CAMK4: variants seen among roughly 807,000 people sequenced by gnomAD.
The protein encoded by CAMK4 is calcium/calmodulin dependent protein kinase IV, also known as calcium/calmodulin-dependent protein kinase type IV.
A neutral mutation model predicts 44.9 loss-of-function variants in CAMK4; 22 were observed. The observed-to-expected ratio is 0.49, with a 90% CI of 0.35 to 0.70. The LOEUF is 0.70. Among genes scored for constraint, CAMK4 ranks in the 30% least tolerant of loss-of-function variants. The probability of loss-of-function intolerance (pLI) is 0.01; values close to 1 mark genes in which losing one functional copy is unlikely to be tolerated. For missense variants in CAMK4, 498 were observed against 586.8 expected (o/e 0.85, Z 1.56); for synonymous variants, 218 against 215.4 (o/e 1.01, Z -0.11).
At chr5:111,252,477 AAC>A (rs1253851118) in intron 1 of CAMK4, among the ~76,000 whole-genome samples, 4 of 152,152 alleles carry the variant, frequency 2.6e-5, no homozygotes, top group African/African-American at 7.2e-5. Context: ...CCTTTCTCCT[AAC>A]CACCTTTAAA....
chr5:111,407,286 G>A (rs1387800130), intron 5 of CAMK4, among the ~76,000 whole-genome samples: 1 of 151,704 alleles, frequency 6.6e-6, no homozygotes, highest in Non-Finnish European at 1.5e-5. Flanking sequence ...GGGAGGCGGA[G>A]GTTGCAGTAA....
chr5:111,226,123 T>A (rs907424858), intron 1 of CAMK4, among the ~76,000 whole-genome samples: 4 of 152,210 alleles, frequency 2.6e-5, no homozygotes, highest in Non-Finnish European at 5.9e-5. Flanking sequence ...CTGATGCTGC[T>A]GCAGGGACTG....
chr5:111,416,086 G>T (rs1016982396), intron 5 of CAMK4, among the ~76,000 whole-genome samples: 2 of 152,118 alleles, frequency 1.3e-5, no homozygotes, highest in East Asian at 3.9e-4. Flanking sequence ...TGAATAGAGA[G>T]AAAAGGATAT....
chr5:111,292,384 T>C (rs1451695247), intron 1 of CAMK4, among the ~76,000 whole-genome samples: 1 of 152,144 alleles, frequency 6.6e-6, no homozygotes, highest in Non-Finnish European at 1.5e-5. Context: ...TGTGTACATA[T>C]GTGTTTGTGT....
At position 111,492,169 on chromosome 5, in the gene CAMK4, A is replaced by C. The variant is rs1287072578; in HGVS notation, c.*7703A>C. On this transcript the variant is annotated 3_prime_UTR_variant, in exon 11 of 11. Coordinates refer to ENST00000282356, the MANE Select transcript of CAMK4 (RefSeq NM_001744.6). Reference sequence around the variant, plus strand: ...AGCTAGTGACCGAGATATGGAGAAAAACATAGGCATTCATGACCTTTGTGT... The same window carrying C: ...AGCTAGTGACCGAGATATGGAGAAACACATAGGCATTCATGACCTTTGTGT... 3 of 152,186 alleles carry C rather than the reference A, an allele frequency of 2.0e-5. No individual in the cohort carries two copies. Among genetic ancestry groups the C allele is most frequent in the Non-Finnish European group, 4.4e-5 (3 of 68,028 alleles). The allele number at this position is 152,186 out of a possible 1,614,324, so 9.4% of individuals were successfully genotyped here.
At chr5:111,331,210 A>C (rs1379351699) in intron 1 of CAMK4, among the ~76,000 whole-genome samples, 2 of 151,618 alleles carry the variant, frequency 1.3e-5, no homozygotes, top group Admixed American at 1.3e-4. Context: ...TATAACAAAT[A>C]ATCTTGTGTC....
In CAMK4 at chr5:111,317,884, G is replaced by A. The variant is rs375620872; in HGVS notation, c.162-26140G>A. ...CAAATAAATTCAGAATCCTAAAGCC[G>A]GTGGAGTAATATGTAAAAAAAAAAA... On this transcript the variant is annotated intron_variant, in intron 1 of 10. Transcript: ENST00000282356. Among the ~76,000 whole-genome samples the A allele has an allele frequency of 1.0e-4, 11 of 106,842 alleles. No individual in the cohort carries two copies. In the South Asian group the frequency reaches 1.4e-3, roughly 13 times the overall value. The allele number at this position is 106,842 out of a possible 152,430, so 70.1% of individuals were successfully genotyped here.
intron 1 of CAMK4, among the ~76,000 whole-genome samples, chr5:111,268,405 G>C (rs1005744394): frequency 6.6e-6 from 1 of 152,206 alleles, no homozygotes; most frequent in African/African-American, 2.4e-5. Flanking sequence ...GAAAAGTGAA[G>C]CTGAAACAAA....
At chr5:111,352,293 G>A (rs554019649) in intron 2 of CAMK4, among the ~76,000 whole-genome samples, 1 of 152,048 alleles carries the variant, frequency 6.6e-6, no homozygotes, top group Non-Finnish European at 1.5e-5. Context: ...ATGTGTCAGA[G>A]ACTGGTGGAT....
At chr5:111,373,019 A>T (rs987805717) in intron 2 of CAMK4, among the ~76,000 whole-genome samples, 1 of 152,132 alleles carries the variant, frequency 6.6e-6, no homozygotes, top group Non-Finnish European at 1.5e-5. Context: ...TTTATGTGGG[A>T]TGTTTGTAAA....
At chr5:111,325,808 T>C (rs1276320130) in intron 1 of CAMK4, among the ~76,000 whole-genome samples, 1 of 152,100 alleles carries the variant, frequency 6.6e-6, no homozygotes, top group Non-Finnish European at 1.5e-5. Flanking sequence ...TGCAAAACTT[T>C]TCTACCATTC....
At chr5:111,331,339 C>G (rs1013797041) in intron 1 of CAMK4, among the ~76,000 whole-genome samples, 4 of 151,682 alleles carry the variant, frequency 2.6e-5, no homozygotes, top group African/African-American at 9.7e-5. Context: ...CAAAAGTACT[C>G]AACATCATTA....
chr5:111,323,665 T>A (rs929052895), intron 1 of CAMK4, among the ~76,000 whole-genome samples: 1 of 152,052 alleles, frequency 6.6e-6, no homozygotes, highest in Non-Finnish European at 1.5e-5. Context: ...CTTGTTAAAA[T>A]ATGTCTCAAA....
At chr5:111,333,693 A>G (rs1202236562) in intron 1 of CAMK4, among the ~76,000 whole-genome samples, 1 of 151,678 alleles carries the variant, frequency 6.6e-6, no homozygotes, top group Non-Finnish European at 1.5e-5. Flanking sequence ...TCACAACTGG[A>G]TGCTGTTAGG....
At position 111,333,480 on chromosome 5, in the gene CAMK4, T is replaced by C. The variant is rs1303344483; in HGVS notation, c.162-10544T>C. 2.0e-5 allele frequency among the ~76,000 whole-genome samples: 3 copies of C among 151,732 alleles called. No homozygotes were observed. In the East Asian group the frequency reaches 5.8e-4, roughly 30 times the overall value. ...TAGTTTTATTGTTATTAATGTATTT[T>C]GTGATTGAGAACCAATACTCAAGCT... On this transcript the variant is annotated intron_variant, in intron 1 of 10. Coordinates refer to ENST00000282356, the MANE Select transcript of CAMK4 (RefSeq NM_001744.6).
chr5:111,395,794 C>A (rs1279322246), intron 5 of CAMK4, among the ~76,000 whole-genome samples: 2 of 152,066 alleles, frequency 1.3e-5, no homozygotes, highest in Non-Finnish European at 2.9e-5. Flanking sequence ...TGCTGGAACA[C>A]TTTGGTGATT....
chr5:111,446,009 C>A (rs1392744667), intron 5 of CAMK4, among the ~76,000 whole-genome samples: 1 of 152,158 alleles, frequency 6.6e-6, no homozygotes, highest in Non-Finnish European at 1.5e-5. Flanking sequence ...GAATATGTTG[C>A]ATGTATGCTT....
intron 1 of CAMK4, among the ~76,000 whole-genome samples, chr5:111,340,956 T>TATTCATACATAC (rs1749616717): frequency 6.6e-6 from 1 of 151,144 alleles, no homozygotes; most frequent in Non-Finnish European, 1.5e-5. Context: ...TGTATGTATC[T>TATTCATACATAC]AGGAATTTAT....
At chr5:111,315,549 C>G (rs536075586) in intron 1 of CAMK4, among the ~76,000 whole-genome samples, 11 of 152,228 alleles carry the variant, frequency 7.2e-5, no homozygotes, top group Admixed American at 5.2e-4. Flanking sequence ...CATAAAATAT[C>G]TAATTTAATC....
Sources: gnomAD v4.1 joint callset for allele counts (sites outside exome capture counted in the v4.1 genomes callset) on GRCh38, gnomAD v4.1.1 for gene constraint, MANE v1.5 for transcripts, NCBI Gene and HGNC (gene_info 2026-07-23, HGNC 2026-07-21) for gene names.